DIP2C: variants seen among roughly 807,000 people sequenced by gnomAD.
DIP2C encodes the protein disco-interacting protein 2 homolog C.
DIP2C carries 33 observed loss-of-function variants against 192.4 expected under a neutral mutation model. The observed-to-expected ratio is 0.17, with a 90% CI of 0.13 to 0.23. The LOEUF is 0.23. Among genes scored for constraint, DIP2C ranks in the 10% least tolerant of loss-of-function variants. DIP2C has a pLI of 1.00. For missense variants in DIP2C, 1,537 were observed against 2,110.1 expected, an observed-to-expected ratio of 0.73 and a Z score of 5.32; for synonymous variants, 979 against 864.1, an observed-to-expected ratio of 1.13 and a Z score of -2.33.
intron 1 of DIP2C, among the ~76,000 whole-genome samples, chr10:506,407 G>A (rs1845596706): frequency 6.6e-6 from 1 of 152,168 alleles, no homozygotes; most frequent in Non-Finnish European, 1.5e-5. Flanking sequence ...GAGGCAGTTG[G>A]GAAATCTCAG....
intron 2 of DIP2C, among the ~76,000 whole-genome samples, chr10:480,290 G>A (rs959900583): frequency 6.8e-6 from 1 of 147,946 alleles, no homozygotes; most frequent in African/African-American, 2.5e-5. Context: ...CATGCTCACT[G>A]GATAAGACTC....
intron 1 of DIP2C, among the ~76,000 whole-genome samples, chr10:594,527 C>G (rs145486656): frequency 6.6e-6 from 1 of 151,684 alleles, no homozygotes; most frequent in Non-Finnish European, 1.5e-5. Context: ...GGAACATGGC[C>G]GAGTACAGAC....
chr10:661,116 C>T (rs1856732372), intron 1 of DIP2C, among the ~76,000 whole-genome samples: 2 of 152,230 alleles, frequency 1.3e-5, no homozygotes, highest in African/African-American at 4.8e-5. Flanking sequence ...TGAGTCAACA[C>T]GCACAGTGTT....
intron 1 of DIP2C, among the ~76,000 whole-genome samples, chr10:507,516 C>G (rs560676393): frequency 2.1e-4 from 32 of 152,090 alleles, no homozygotes; most frequent in African/African-American, 7.2e-4. Context: ...GGTTAGGGAC[C>G]CGGTCACCCG....
At chr10:614,292 A>G (rs1448900319) in intron 1 of DIP2C, among the ~76,000 whole-genome samples, 1 of 152,166 alleles carries the variant, frequency 6.6e-6, no homozygotes, top group Admixed American at 6.5e-5. Flanking sequence ...TGATGGGTGC[A>G]TTTCCCCTGG....
intron 1 of DIP2C, among the ~76,000 whole-genome samples, chr10:593,646 C>G (rs187319017): frequency 6.6e-6 from 1 of 152,060 alleles, no homozygotes. Flanking sequence ...CCTAGCTGTG[C>G]CTGGGATGTC....
intron 1 of DIP2C, among the ~76,000 whole-genome samples, chr10:493,516 GAGAAGCTGACGTGT>G (rs1844601021): frequency 6.6e-6 from 1 of 152,070 alleles, no homozygotes; most frequent in Non-Finnish European, 1.5e-5. Context: ...GCTGGACATC[GAGAAGCTGACGTGT>G]AGAAGAATAC....
chr10:485,013 C>G (rs964358610), intron 2 of DIP2C: 1 of 1,499,462 alleles, frequency 6.7e-7, no homozygotes, highest in Non-Finnish European at 8.9e-7. Flanking sequence ...TGTTACAGCG[C>G]TGAGCAGAGC....
chr10:490,063 G>A (rs11252726), intron 1 of DIP2C, among the ~76,000 whole-genome samples: 17 of 23,704 alleles, frequency 7.2e-4, no homozygotes, highest in South Asian at 2.1e-3. Context: ...GACAGTGCCC[G>A]GGGCTTCCTC....
At chr10:294,108 T>C (rs940361886) in intron 32 of DIP2C, among the ~76,000 whole-genome samples, 4 of 152,172 alleles carry the variant, frequency 2.6e-5, no homozygotes, top group African/African-American at 9.7e-5. Context: ...TTTTCCCTTT[T>C]CTCTCCCTCG....
intron 1 of DIP2C, among the ~76,000 whole-genome samples, chr10:493,619 C>T (rs1021192931): frequency 4.6e-5 from 7 of 152,266 alleles, no homozygotes; most frequent in Middle Eastern, 3.4e-3. Flanking sequence ...AAGTCTCTCA[C>T]GCTCCACCCT....
intron 17 of DIP2C, among the ~76,000 whole-genome samples, chr10:373,823 T>C (rs1054178904): frequency 2.0e-5 from 3 of 152,196 alleles, no homozygotes; most frequent in African/African-American, 7.2e-5. Context: ...CCGTCACAGC[T>C]GTAAGATCAT....
intron 17 of DIP2C, among the ~76,000 whole-genome samples, chr10:382,211 G>A (rs1421768042): frequency 2.0e-5 from 3 of 152,134 alleles, no homozygotes; most frequent in Non-Finnish European, 4.4e-5. Flanking sequence ...CTATACACCA[G>A]AGACAGACAA....
intron 1 of DIP2C, among the ~76,000 whole-genome samples, chr10:593,457 G>A (rs1027730270): frequency 1.3e-5 from 2 of 149,276 alleles, no homozygotes; most frequent in Admixed American, 1.3e-4. Flanking sequence ...CCGGGTCTGT[G>A]CATGCCGCCC....
intron 1 of DIP2C, among the ~76,000 whole-genome samples, chr10:505,271 T>C (rs1845516884): frequency 6.6e-6 from 1 of 152,140 alleles, no homozygotes; most frequent in African/African-American, 2.4e-5. Context: ...CTAGTCCCTC[T>C]ACAAGGATAT....
chr10:672,904 A>G (rs1409453450), intron 1 of DIP2C, among the ~76,000 whole-genome samples: 1 of 151,306 alleles, frequency 6.6e-6, no homozygotes, highest in African/African-American at 2.4e-5. Context: ...TGACACACAT[A>G]AAAAAAAATT....
chr10:412,488 A>G (rs1001518988), intron 8 of DIP2C, among the ~76,000 whole-genome samples: 23 of 152,252 alleles, frequency 1.5e-4, no homozygotes, highest in Non-Finnish European at 2.8e-4. Context: ...TATTTCTGAG[A>G]GCATAATTAA....
At chr10:369,785 G>A (rs1398132977) in intron 17 of DIP2C, 152 bp from the exon 18 acceptor site, 1 of 1,394,610 alleles carries the variant, frequency 7.2e-7, no homozygotes, top group South Asian at 1.2e-5. Flanking sequence ...GGCTGCATTA[G>A]GGGATGCTCG....
chr10:503,463 A>G (rs1564796347), intron 1 of DIP2C, among the ~76,000 whole-genome samples: 2 of 152,228 alleles, frequency 1.3e-5, no homozygotes, highest in Non-Finnish European at 2.9e-5. Flanking sequence ...AACAAGCAAA[A>G]TAAAACTACA....
Sources: allele counts gnomAD v4.1 joint callset (sites outside exome capture counted in the v4.1 genomes callset), GRCh38; gene constraint gnomAD v4.1.1; transcripts MANE v1.5; gene names NCBI Gene and HGNC (gene_info 2026-07-23, HGNC 2026-07-21).